IFT122: variants seen among roughly 807,000 people sequenced by gnomAD.
IFT122 encodes intraflagellar transport 122, also known as intraflagellar transport protein 122 homolog.
Under a neutral mutation model 161.6 loss-of-function variants are expected in IFT122, and 118 were observed. The observed-to-expected ratio is 0.73, with a 90% CI of 0.63 to 0.85. The LOEUF (loss-of-function observed/expected upper bound fraction) is 0.85, where lower values mean the gene tolerates loss of function less well. Ranked by LOEUF, IFT122 falls within the 40% of genes least tolerant of loss-of-function variation. The probability of loss-of-function intolerance (pLI) is 0.00; values close to 1 mark genes in which losing one functional copy is unlikely to be tolerated. For missense variants in IFT122, 1,381 were observed against 1,579.6 expected (o/e 0.87, Z 2.13); for synonymous variants, 550 against 602.4 (o/e 0.91, Z 1.27).
At chr3:129,469,543 C>T in intron 9 of IFT122, 126 bp downstream of exon 9, 2 of 785,294 alleles carry the variant, frequency 2.5e-6, no homozygotes, top group African/African-American at 1.7e-5. Flanking sequence ...GCTGTGGTAC[C>T]AGATACTGTG....
chr3:129,498,282 C>CCA (rs1577934728), intron 18 of IFT122, among the ~76,000 whole-genome samples: 1 of 152,370 alleles, frequency 6.6e-6, no homozygotes, highest in East Asian at 1.9e-4. Context: ...CCTGAGCACT[C>CCA]ACTGAAGTCC....
intron 23 of IFT122, among the ~76,000 whole-genome samples, chr3:129,509,669 A>G (rs2082580392): frequency 6.6e-6 from 1 of 152,262 alleles, no homozygotes; most frequent in Admixed American, 6.5e-5. Context: ...TGTATAACAT[A>G]ACCACATTTA....
At chr3:129,517,840 C>T (rs139097887) in intron 27 of IFT122, among the ~76,000 whole-genome samples, 1 of 152,300 alleles carries the variant, frequency 6.6e-6, no homozygotes, top group Non-Finnish European at 1.5e-5. Context: ...GGGTCTCCCA[C>T]CCTCCCCTGA....
At chr3:129,493,522 C>T (rs2080410183) in intron 17 of IFT122, among the ~76,000 whole-genome samples, 1 of 152,214 alleles carries the variant, frequency 6.6e-6, no homozygotes, top group Admixed American at 6.5e-5. Context: ...AATTAAGGCT[C>T]AGCAAGACGA....
chr3:129,492,888 A>G (rs1262774514), intron 17 of IFT122, among the ~76,000 whole-genome samples: 2 of 147,114 alleles, frequency 1.4e-5, no homozygotes, highest in Non-Finnish European at 3.0e-5. Context: ...GCACGATCAC[A>G]GCTTACTGCA....
At chr3:129,512,118 T>C (rs557273469) in intron 23 of IFT122, among the ~76,000 whole-genome samples, 194 bp from the exon 24 acceptor site, 1 of 152,296 alleles carries the variant, frequency 6.6e-6, no homozygotes, top group South Asian at 2.1e-4. Context: ...TAAAAATGCA[T>C]ACCACAAGGT....
intron 23 of IFT122, among the ~76,000 whole-genome samples, chr3:129,508,255 C>T (rs1261138614): frequency 1.3e-5 from 2 of 152,232 alleles, no homozygotes; most frequent in Non-Finnish European, 2.9e-5. Flanking sequence ...TTTTTAGTCA[C>T]TCCCTGATTC....
At chr3:129,441,482 T>A (rs2107791728) in intron 1 of IFT122, among the ~76,000 whole-genome samples, 1 of 152,286 alleles carries the variant, frequency 6.6e-6, no homozygotes, top group Non-Finnish European at 1.5e-5. Context: ...TCCTCTATTT[T>A]ATGTATGAGG....
rs538619105 is a variant in IFT122, at chr3:129,519,706, A to G, written c.3610A>G (p.Ile1204Val). Reference sequence around the variant, plus strand: ...CCGCTCACTGCTGCCTGACGCCTCCATTACCATGTGCCCCTCCTGCTTCCA... The same window carrying G: ...CCGCTCACTGCTGCCTGACGCCTCCGTTACCATGTGCCCCTCCTGCTTCCA... Reference protein sequence around the residue: ...YFRSLLPDASITMCPSCFQMF... With the variant: ...YFRSLLPDASVTMCPSCFQMF... Residue 1204 changes from isoleucine (I) to valine (V), a missense_variant, in exon 29 of 30, where the codon ATT becomes GTT. Ile to Val is a conservative substitution (Grantham distance 29, BLOSUM62 3). Transcript: ENST00000348417. 19 of 1,613,670 alleles carry G rather than the reference A, an allele frequency of 1.2e-5. 1 individual carries two copies. In the South Asian group the frequency reaches 1.9e-4, roughly 16 times the overall value.
In IFT122 at chr3:129,449,953, A is replaced by C. The variant is rs763728571; in HGVS notation, c.108+16A>C. On this transcript the variant is annotated intron_variant, in intron 2 of 29. Transcript: ENST00000348417. ...CAGATTACTGGTAGGATTTTGTCTT[A>C]GTTTCCTCTTAAAGTGCTTCCCTAA... is the stretch of plus-strand genomic sequence containing the variant. The C allele has an allele frequency of 3.2e-6, 5 of 1,573,688 alleles. No homozygotes were observed. The highest frequency in any genetic ancestry group is 4.4e-6 in the Non-Finnish European group (5 of 1,144,184).
At chr3:129,457,732 GTTTTTTTTTTTT>G (rs971386664) in intron 3 of IFT122, among the ~76,000 whole-genome samples, 1 of 119,624 alleles carries the variant, frequency 8.4e-6, no homozygotes, top group East Asian at 2.6e-4. Flanking sequence ...CACAGGAATA[GTTTTTTTTTTTT>G]TTTTTTTTTG....
intron 9 of IFT122, among the ~76,000 whole-genome samples, chr3:129,475,606 G>A (rs6767707): frequency 0.24 from 35,989 of 152,106 alleles, 6,558 homozygotes; most frequent in East Asian, 0.49. Context: ...AAGCCAAGAT[G>A]GCGCCACTGC....
At chr3:129,450,343 A>G (rs1251201533) in intron 2 of IFT122, among the ~76,000 whole-genome samples, 1 of 152,222 alleles carries the variant, frequency 6.6e-6, no homozygotes. Flanking sequence ...CTATCTAAAC[A>G]GTTCCATATG....
intron 26 of IFT122, among the ~76,000 whole-genome samples, chr3:129,516,244 GTGCACACACAGACTGCCCCTACA>G (rs2083549644): frequency 9.2e-6 from 1 of 108,698 alleles, no homozygotes; most frequent in Non-Finnish European, 1.8e-5. Flanking sequence ...CTGCCCCTGC[GTGCACACACAGACTGCCCCTACA>G]CACACACAGA....
chr3:129,519,730 C>T lies in IFT122; in HGVS notation c.3634C>T (p.Gln1212Ter). 6.2e-7 allele frequency: 1 copy of T among 1,613,586 alleles called. No homozygotes were observed. Among genetic ancestry groups the T allele is most frequent in the Non-Finnish European group, 8.5e-7 (1 of 1,180,014 alleles). The change falls in exon 29 of 30, where the codon CAG (glutamine) becomes TAG (stop). Residue 1212 changes from glutamine to a stop codon, truncating the protein, a stop_gained and splice_region_variant. Coordinates refer to ENST00000348417, the MANE Select transcript of IFT122 (RefSeq NM_052989.3). LOFTEE classifies it high-confidence loss of function. ...CATTACCATGTGCCCCTCCTGCTTC[C>T]AGGTAGGTGGCCACCCTGGTAGCTC... ...ASITMCPSCFQMFHSEDYELL... is the reference protein window; with the variant it reads ...ASITMCPSCF
At chr3:129,464,583 T>C (rs1272078416) in intron 6 of IFT122, 52 bp from the exon 7 acceptor site, 3 of 1,612,518 alleles carry the variant, frequency 1.9e-6, no homozygotes, top group African/African-American at 2.7e-5. Context: ...TAGTTTTACC[T>C]TCTGTGGGGT....
chr3:129,517,412 G>A, intron 26 of IFT122, 57 bp from the exon 27 acceptor site: 1 of 1,606,052 alleles, frequency 6.2e-7, no homozygotes, highest in Non-Finnish European at 8.5e-7. Flanking sequence ...CACCTGCCTG[G>A]CGGCAAGTCC....
At position 129,449,920 on chromosome 3, in the gene IFT122, G is replaced by C; in HGVS notation, c.91G>C (p.Ala31Pro). ...KPDGTQLILA[A>P]GSRLLVYDTS... ...TGATGGAACTCAACTGATTTTGGCT[G>C]CCGGAAGCAGATTACTGGTAGGATT... is the stretch of plus-strand genomic sequence containing the variant. The change falls in exon 2 of 30, where the codon GCC becomes CCC. Residue 31 changes from alanine (A) to proline (P), a missense_variant. Coordinates refer to ENST00000348417, the MANE Select transcript of IFT122 (RefSeq NM_052989.3). 6.2e-7 allele frequency: 1 copy of C among 1,611,710 alleles called. No homozygotes were observed. The highest frequency in any genetic ancestry group is 8.5e-7 in the Non-Finnish European group (1 of 1,177,932).
chr3:129,497,363 G>A (rs947313084), intron 18 of IFT122, among the ~76,000 whole-genome samples: 5 of 152,216 alleles, frequency 3.3e-5, no homozygotes, highest in African/African-American at 9.6e-5. Context: ...TCTTCGGTTT[G>A]CCAAACCTCC....
Sources: allele counts gnomAD v4.1 joint callset (sites outside exome capture counted in the v4.1 genomes callset), GRCh38; gene constraint gnomAD v4.1.1; transcripts MANE v1.5; gene names NCBI Gene and HGNC (gene_info 2026-07-23, HGNC 2026-07-21).